SCHIP1: variants seen among roughly 807,000 people sequenced by gnomAD.
SCHIP1 encodes schwannomin interacting protein 1, also known as schwannomin-interacting protein 1.
In SCHIP1, 8 loss-of-function variants were observed where a neutral mutation model predicts 29.7. The ratio of observed to expected loss-of-function variants is 0.27; its 90% confidence interval spans 0.16 to 0.49. SCHIP1 has a LOEUF of 0.49. SCHIP1 is among the 20% of genes least tolerant of loss of function. The pLI is 0.99. For synonymous variants in SCHIP1, 76 were observed against 94.9 expected (o/e 0.80, Z 1.16); for missense variants, 193 against 294.6 (o/e 0.66, Z 2.52).
At chr3:159,859,679 G>A (rs2109192618) in intron 1 of SCHIP1, among the ~76,000 whole-genome samples, 1 of 152,346 alleles carries the variant, frequency 6.6e-6, no homozygotes, top group South Asian at 2.1e-4. Flanking sequence ...AAATCCACCT[G>A]GCTTCAGAGT....
chr3:159,764,972 C>G, the SCHIP1 span: 1 of 1,493,088 alleles, frequency 6.7e-7, no homozygotes, highest in South Asian at 1.3e-5. This position sits in a 1 kb window ranked among gnomAD's most constrained non-coding sequence, Gnocchi z 6.1. Flanking sequence ...CGCGGCCCGG[C>G]GGCTGGGGGG....
At chr3:159,828,703 C>T in the SCHIP1 span, among the ~76,000 whole-genome samples, 6 of 152,040 alleles carry the variant, frequency 3.9e-5, no homozygotes, top group African/African-American at 1.4e-4. Flanking sequence ...TTTTAATCAG[C>T]CACTATCGCC....
At chr3:159,484,643 T>C in the SCHIP1 span, among the ~76,000 whole-genome samples, 1 of 152,034 alleles carries the variant, frequency 6.6e-6, no homozygotes. Context: ...AACGAGAAAC[T>C]CTATTTAAAT....
chr3:159,835,045 T>G (rs1333381145), upstream of SCHIP1, among the ~76,000 whole-genome samples: 1 of 152,202 alleles, frequency 6.6e-6, no homozygotes, highest in Non-Finnish European at 1.5e-5. Flanking sequence ...ATTCCTTTTC[T>G]TTCATTGCCC....
the SCHIP1 span, among the ~76,000 whole-genome samples, chr3:159,671,776 G>A: frequency 6.6e-6 from 1 of 152,076 alleles, no homozygotes; most frequent in East Asian, 1.9e-4. Flanking sequence ...CTGAGACTGG[G>A]ACTTTGATTT....
the SCHIP1 span, among the ~76,000 whole-genome samples, chr3:159,499,759 A>G: frequency 6.6e-6 from 1 of 152,236 alleles, no homozygotes; most frequent in African/African-American, 2.4e-5. Flanking sequence ...GTATTATGCT[A>G]GTTGTTTTAC....
At chr3:159,845,926 C>T (rs1425288833) in intron 1 of SCHIP1, 3 of 152,280 alleles carry the variant, frequency 2.0e-5, no homozygotes, top group Non-Finnish European at 4.4e-5. Context: ...TTCTCAGCCT[C>T]TTGGCCAGTT....
At chr3:159,585,332 T>G in the SCHIP1 span, among the ~76,000 whole-genome samples, 12 of 152,102 alleles carry the variant, frequency 7.9e-5, no homozygotes, top group African/African-American at 2.9e-4. Context: ...TCCATGACCT[T>G]AAAAGGGATA....
chr3:159,551,562 G>C, the SCHIP1 span, among the ~76,000 whole-genome samples: 1 of 152,080 alleles, frequency 6.6e-6, no homozygotes, highest in East Asian at 1.9e-4. Flanking sequence ...GGTAACATTT[G>C]AAATAATAAT....
At chr3:159,376,695 C>T in the SCHIP1 span, among the ~76,000 whole-genome samples, 1 of 152,154 alleles carries the variant, frequency 6.6e-6, no homozygotes, top group Non-Finnish European at 1.5e-5. Flanking sequence ...GCCAGGCCTT[C>T]TCCCTTCTTT....
chr3:159,307,192 CAT>C, the SCHIP1 span, among the ~76,000 whole-genome samples: 1 of 152,288 alleles, frequency 6.6e-6, no homozygotes, highest in East Asian at 1.9e-4. Flanking sequence ...TAGAGCAGGA[CAT>C]AAAAGTTTAT....
the SCHIP1 span, among the ~76,000 whole-genome samples, chr3:159,612,710 G>T: frequency 6.6e-6 from 1 of 152,206 alleles, no homozygotes; most frequent in African/African-American, 2.4e-5. Context: ...TCACGCCATT[G>T]CACTCCAGCC....
chr3:159,534,770 A>G, the SCHIP1 span, among the ~76,000 whole-genome samples: 2 of 152,166 alleles, frequency 1.3e-5, no homozygotes, highest in South Asian at 4.1e-4. Context: ...TCTGTATAAG[A>G]CGGATTTAGG....
chr3:159,492,480 C>G, the SCHIP1 span, among the ~76,000 whole-genome samples: 1 of 152,074 alleles, frequency 6.6e-6, no homozygotes, highest in Non-Finnish European at 1.5e-5. Flanking sequence ...CTGAGGCGAT[C>G]AACTGGAAGA....
chr3:159,504,984 G>A, the SCHIP1 span, among the ~76,000 whole-genome samples: 1 of 152,148 alleles, frequency 6.6e-6, no homozygotes, highest in Non-Finnish European at 1.5e-5. Context: ...AAGGCCAGTA[G>A]GAGTTAACAA....
the SCHIP1 span, among the ~76,000 whole-genome samples, chr3:159,439,589 A>G: frequency 3.3e-5 from 5 of 151,986 alleles, no homozygotes; most frequent in Non-Finnish European, 7.4e-5. Context: ...GCCTAACCAT[A>G]TCAGTATCTG....
intron 2 of SCHIP1, among the ~76,000 whole-genome samples, chr3:159,883,625 A>G (rs1042855781): frequency 3.9e-5 from 6 of 152,080 alleles, no homozygotes; most frequent in Admixed American, 2.0e-4. Flanking sequence ...AGCTCGTTTT[A>G]AGATGTCTTT....
the SCHIP1 span, among the ~76,000 whole-genome samples, chr3:159,832,026 C>T: frequency 6.6e-6 from 1 of 152,090 alleles, no homozygotes; most frequent in Non-Finnish European, 1.5e-5. Flanking sequence ...TCTTCTTTTT[C>T]TTGTTCATCT....
the SCHIP1 span, among the ~76,000 whole-genome samples, chr3:159,584,154 G>A: frequency 1.3e-5 from 2 of 152,088 alleles, no homozygotes; most frequent in African/African-American, 4.8e-5. Context: ...TTTGAGTGCT[G>A]CTTCAGCTTC....
Sources: allele counts gnomAD v4.1 joint callset (sites outside exome capture counted in the v4.1 genomes callset), GRCh38; gene constraint gnomAD v4.1.1; non-coding constraint Gnocchi (gnomAD v3.1); transcripts MANE v1.5; gene names NCBI Gene and HGNC (gene_info 2026-07-23, HGNC 2026-07-21).